Variants in MRAP2 observed in about 807,000 individuals in gnomAD.
MRAP2 encodes the protein melanocortin-2 receptor accessory protein 2.
A neutral mutation model predicts 17.4 loss-of-function variants in MRAP2; 20 were observed. The observed-to-expected ratio is 1.15, with a 90% CI of 0.81 to 1.67. The LOEUF is 1.67. Ranked by LOEUF, MRAP2 falls within the 40% of genes most tolerant of loss-of-function variation. The pLI, the probability that MRAP2 is intolerant of heterozygous loss-of-function variation, is 0.00. For synonymous variants in MRAP2, 96 were observed against 88.4 expected (o/e 1.09, Z -0.48); for missense variants, 238 against 240.0 (o/e 0.99, Z 0.05).
downstream of MRAP2, among the ~76,000 whole-genome samples, chr6:84,093,254 T>C (rs79176450): frequency 9.4e-3 from 1,338 of 142,932 alleles, 24 homozygotes; most frequent in African/African-American, 0.035. Flanking sequence ...AGAGAGAGAA[T>C]AGGGCAAGAA....
the MRAP2 span, among the ~76,000 whole-genome samples, chr6:84,111,208 T>G: frequency 6.6e-6 from 1 of 152,354 alleles, no homozygotes; most frequent in African/African-American, 2.4e-5. Context: ...ATGATCATTT[T>G]AATGACATTG....
At chr6:84,093,159 T>C (rs1004098851), downstream of MRAP2, among the ~76,000 whole-genome samples, 1 of 152,166 alleles carries the variant, frequency 6.6e-6, no homozygotes, top group Non-Finnish European at 1.5e-5. Context: ...TCCATTTCAG[T>C]TGAAGTTGTT....
At chr6:84,142,385 T>C in the MRAP2 span, among the ~76,000 whole-genome samples, 1 of 152,272 alleles carries the variant, frequency 6.6e-6, no homozygotes, top group African/African-American at 2.4e-5. Flanking sequence ...CATCTGTCTA[T>C]GTTTATGTAC....
At chr6:84,126,728 G>A in the MRAP2 span, among the ~76,000 whole-genome samples, 186 of 152,240 alleles carry the variant, frequency 1.2e-3, 2 homozygotes, top group Non-Finnish European at 4.1e-4. Context: ...CGGATGAATG[G>A]ACCATCTTCT....
intron 3 of MRAP2, among the ~76,000 whole-genome samples, chr6:84,088,633 T>C (rs1171053750): frequency 3.3e-5 from 5 of 152,226 alleles, no homozygotes; most frequent in Non-Finnish European, 7.3e-5. Context: ...AGTATTATTG[T>C]TTTTAGGCCG....
the MRAP2 span, among the ~76,000 whole-genome samples, chr6:84,114,997 T>G: frequency 3.9e-5 from 6 of 152,162 alleles, no homozygotes; most frequent in African/African-American, 1.4e-4. Flanking sequence ...CTCTCCTGTA[T>G]GAGGTGTCTG....
the MRAP2 span, among the ~76,000 whole-genome samples, chr6:84,104,468 C>T: frequency 6.6e-6 from 1 of 152,220 alleles, no homozygotes; most frequent in Admixed American, 6.5e-5. Context: ...TTTTCTATCG[C>T]ATAGTTAGGC....
chr6:84,053,636 A>G (rs936415169), intron 1 of MRAP2, among the ~76,000 whole-genome samples: 7 of 152,200 alleles, frequency 4.6e-5, no homozygotes, highest in Non-Finnish European at 1.0e-4. Flanking sequence ...TTTCTATTCA[A>G]GATCAGCATT....
At chr6:84,123,089 G>A in the MRAP2 span, among the ~76,000 whole-genome samples, 4 of 151,806 alleles carry the variant, frequency 2.6e-5, no homozygotes, top group East Asian at 5.8e-4. Context: ...ACAAGCAAAC[G>A]GAAATACATC....
At chr6:84,054,755 C>G (rs930563397) in intron 1 of MRAP2, among the ~76,000 whole-genome samples, 1 of 152,152 alleles carries the variant, frequency 6.6e-6, no homozygotes, top group Admixed American at 6.5e-5. Context: ...CCAAATCCCA[C>G]AAAACATCTC....
intron 1 of MRAP2, among the ~76,000 whole-genome samples, chr6:84,053,332 C>T (rs1226791745): frequency 3.3e-5 from 5 of 151,958 alleles, no homozygotes; most frequent in Non-Finnish European, 1.5e-5. Context: ...ATCTTATTTT[C>T]CTTAATAAAA....
In MRAP2 at chr6:84,090,672, T is replaced by C. The variant is rs1381372954; in HGVS notation, c.*1191T>C. ...GGGTTGTAAATTCCCCACTAGCAGATATTCAGGGTGGCCTGAGTTATGTAA... is the reference window on the plus strand; with the variant it reads ...GGGTTGTAAATTCCCCACTAGCAGACATTCAGGGTGGCCTGAGTTATGTAA... On this transcript the variant is annotated 3_prime_UTR_variant, in exon 4 of 4. Coordinates refer to ENST00000257776, the MANE Select transcript of MRAP2 (RefSeq NM_138409.4). The C allele has an allele frequency of 1.3e-5, 2 of 152,196 alleles. No homozygotes were observed. The highest frequency in any genetic ancestry group is 2.9e-5 in the Non-Finnish European group (2 of 68,030). The allele number at this position is 152,196 out of a possible 1,614,324, so 9.4% of individuals were successfully genotyped here.
chr6:84,130,144 T>C, the MRAP2 span, among the ~76,000 whole-genome samples: 2 of 152,214 alleles, frequency 1.3e-5, no homozygotes, highest in Admixed American at 6.5e-5. Context: ...CTTGGTTTTA[T>C]GTGATGGATT....
chr6:84,092,363 C>T (rs916080329), downstream of MRAP2, among the ~76,000 whole-genome samples: 1 of 152,094 alleles, frequency 6.6e-6, no homozygotes. Context: ...ATTCTATATG[C>T]ACAATACATA....
chr6:84,079,318 T>C (rs2099498388), intron 3 of MRAP2, among the ~76,000 whole-genome samples: 1 of 152,200 alleles, frequency 6.6e-6, no homozygotes, highest in Non-Finnish European at 1.5e-5. Flanking sequence ...ATCATATGAT[T>C]CCATTTATAT....
downstream of MRAP2, among the ~76,000 whole-genome samples, chr6:84,092,717 C>T (rs77570103): frequency 0.01 from 1,585 of 152,226 alleles, 33 homozygotes; most frequent in African/African-American, 0.036. Flanking sequence ...GTAGGTCCTG[C>T]AGAACCCGTG....
chr6:84,083,677 A>C (rs572972947), intron 3 of MRAP2, among the ~76,000 whole-genome samples: 5 of 152,260 alleles, frequency 3.3e-5, no homozygotes, highest in South Asian at 2.1e-4. Flanking sequence ...TTTATCAAAA[A>C]ATTATTTAAG....
intron 1 of MRAP2, among the ~76,000 whole-genome samples, chr6:84,034,661 G>GT (rs1387474407): frequency 6.6e-6 from 1 of 152,028 alleles, no homozygotes; most frequent in Non-Finnish European, 1.5e-5. Flanking sequence ...TCTGCATTTA[G>GT]TTTGACAACA....
chr6:84,042,962 G>T (rs931767886), intron 1 of MRAP2, among the ~76,000 whole-genome samples: 4 of 152,220 alleles, frequency 2.6e-5, no homozygotes, highest in African/African-American at 7.2e-5. Flanking sequence ...CTAAAAGAAT[G>T]GTTCAGCTCA....
Sources: gnomAD v4.1 joint callset for allele counts (sites outside exome capture counted in the v4.1 genomes callset) on GRCh38, gnomAD v4.1.1 for gene constraint, MANE v1.5 for transcripts, NCBI Gene and HGNC (gene_info 2026-07-23, HGNC 2026-07-21) for gene names.